The following MACROD2 variants were observed in gnomAD, a reference collection of about 807,000 sequenced individuals.
The protein encoded by MACROD2 is ADP-ribose glycohydrolase MACROD2.
A neutral mutation model predicts 70.4 loss-of-function variants in MACROD2; 36 were observed. That is an observed-to-expected ratio of 0.51 (90% CI 0.39 to 0.68). The LOEUF (loss-of-function observed/expected upper bound fraction) is 0.68, where lower values mean the gene tolerates loss of function less well. Among genes scored for constraint, MACROD2 ranks in the 30% least tolerant of loss-of-function variants. The pLI is 0.00. For missense variants in MACROD2, 496 were observed against 538.4 expected, an observed-to-expected ratio of 0.92 and a Z score of 0.78; for synonymous variants, 172 against 178.8, an observed-to-expected ratio of 0.96 and a Z score of 0.30.
At chr20:14,607,594 C>T (rs1324883410) in intron 4 of MACROD2, among the ~76,000 whole-genome samples, 2 of 152,176 alleles carry the variant, frequency 1.3e-5, no homozygotes, top group African/African-American at 4.8e-5. Flanking sequence ...TCTTGCAGAC[C>T]AAGGCATGTT....
intron 8 of MACROD2, among the ~76,000 whole-genome samples, chr20:15,586,348 T>C (rs930639609): frequency 6.6e-6 from 1 of 152,224 alleles, no homozygotes; most frequent in Non-Finnish European, 1.5e-5. Context: ...CACTGAGAAC[T>C]GCTGGTGTGA....
At chr20:14,720,787 C>T (rs1216840747) in intron 5 of MACROD2, among the ~76,000 whole-genome samples, 1 of 151,660 alleles carries the variant, frequency 6.6e-6, no homozygotes, top group Non-Finnish European at 1.5e-5. Flanking sequence ...CTCATGACCT[C>T]GTGATCTGCC....
At chr20:16,023,239 G>A (rs746516852) in intron 15 of MACROD2, among the ~76,000 whole-genome samples, 1 of 152,096 alleles carries the variant, frequency 6.6e-6, no homozygotes, top group African/African-American at 2.4e-5. Context: ...ACTTTGGGAG[G>A]CTGAGGCAGG....
At chr20:14,590,268 A>T (rs1203347090) in intron 4 of MACROD2, among the ~76,000 whole-genome samples, 1 of 152,152 alleles carries the variant, frequency 6.6e-6, no homozygotes, top group African/African-American at 2.4e-5. Context: ...GAGCTGTCCT[A>T]ACCTTACTAG....
At chr20:15,912,171 A>G (rs1301935143) in intron 10 of MACROD2, among the ~76,000 whole-genome samples, 1 of 152,202 alleles carries the variant, frequency 6.6e-6, no homozygotes, top group Non-Finnish European at 1.5e-5. Flanking sequence ...TTGAAATTTG[A>G]ACTTCTGTTT....
At chr20:14,427,498 A>G (rs1387157264) in intron 3 of MACROD2, among the ~76,000 whole-genome samples, 1 of 151,156 alleles carries the variant, frequency 6.6e-6, no homozygotes, top group Non-Finnish European at 1.5e-5. Context: ...ATCTAGTATC[A>G]AATATATATG....
chr20:14,200,353 A>G (rs573544983), intron 3 of MACROD2, among the ~76,000 whole-genome samples: 1 of 152,272 alleles, frequency 6.6e-6, no homozygotes, highest in Non-Finnish European at 1.5e-5. Flanking sequence ...GAGGGGAACA[A>G]CACACACTGG....
At chr20:15,804,827 G>T (rs73097220) in intron 8 of MACROD2, among the ~76,000 whole-genome samples, 18,475 of 152,142 alleles carry the variant, frequency 0.12, 1,321 homozygotes, top group Middle Eastern at 0.28. Context: ...TTTAGCCCAG[G>T]CAAGAAAAGC....
intron 5 of MACROD2, among the ~76,000 whole-genome samples, chr20:15,132,387 T>C (rs2076113184): frequency 1.3e-5 from 2 of 152,136 alleles, no homozygotes; most frequent in Non-Finnish European, 2.9e-5. Context: ...CAAATGTAGA[T>C]GTAGAAATAG....
At chr20:14,056,353 A>C (rs1282663714) in intron 2 of MACROD2, among the ~76,000 whole-genome samples, 1 of 151,896 alleles carries the variant, frequency 6.6e-6, no homozygotes, top group East Asian at 1.9e-4. Context: ...TTTTTAAAGC[A>C]ATGGCCCTTT....
chr20:15,025,903 G>A (rs1437943118), intron 5 of MACROD2, among the ~76,000 whole-genome samples: 1 of 152,188 alleles, frequency 6.6e-6, no homozygotes, highest in Non-Finnish European at 1.5e-5. Context: ...ATTAGTGAGA[G>A]GCAGAAAAAG....
At chr20:15,179,623 C>T (rs527619435) in intron 5 of MACROD2, among the ~76,000 whole-genome samples, 9 of 152,308 alleles carry the variant, frequency 5.9e-5, no homozygotes, top group South Asian at 2.1e-4. Context: ...GAACAGCCTA[C>T]GGTGCATCCA....
At chr20:14,364,566 A>C (rs1453287715) in intron 3 of MACROD2, among the ~76,000 whole-genome samples, 1 of 152,174 alleles carries the variant, frequency 6.6e-6, no homozygotes, top group East Asian at 1.9e-4. Flanking sequence ...CCTCAAAAGG[A>C]AATTGCATAC....
chr20:14,866,803 G>C (rs995982694), intron 5 of MACROD2, among the ~76,000 whole-genome samples: 2 of 151,982 alleles, frequency 1.3e-5, no homozygotes, highest in African/African-American at 2.4e-5. Context: ...GTGTTTATCC[G>C]GGGAGTAAGC....
intron 2 of MACROD2, among the ~76,000 whole-genome samples, chr20:14,074,949 G>A (rs2148663060): frequency 6.6e-6 from 1 of 152,254 alleles, no homozygotes; most frequent in African/African-American, 2.4e-5. Context: ...CTTTTTCAGT[G>A]TATCCAAATT....
chr20:15,605,127 C>G (rs1013978538), intron 8 of MACROD2, among the ~76,000 whole-genome samples: 24 of 152,180 alleles, frequency 1.6e-4, no homozygotes, highest in African/African-American at 5.8e-4. Flanking sequence ...CGTTTCAGAC[C>G]CTTACCAGGT....
chr20:16,016,208 A>C (rs1029110507), intron 15 of MACROD2, among the ~76,000 whole-genome samples: 2 of 152,204 alleles, frequency 1.3e-5, no homozygotes, highest in African/African-American at 4.8e-5. Flanking sequence ...TAGAAGTAAC[A>C]AGTTGGTTTT....
chr20:14,605,031 T>C (rs1223734945), intron 4 of MACROD2, among the ~76,000 whole-genome samples: 1 of 152,196 alleles, frequency 6.6e-6, no homozygotes. Context: ...TATATTTGAC[T>C]CTTACAAAAT....
chr20:14,951,410 T>A (rs2074475029), intron 5 of MACROD2, among the ~76,000 whole-genome samples: 1 of 152,124 alleles, frequency 6.6e-6, no homozygotes, highest in Non-Finnish European at 1.5e-5. Flanking sequence ...CCTCCTTTGA[T>A]CAATGAGTAA....
Sources: allele counts gnomAD v4.1 joint callset (sites outside exome capture counted in the v4.1 genomes callset), GRCh38; gene constraint gnomAD v4.1.1; transcripts MANE v1.5; gene names NCBI Gene and HGNC (gene_info 2026-07-23, HGNC 2026-07-21).